Variants in ZNF32 observed in about 807,000 individuals in gnomAD.
ZNF32 encodes the protein C2H2-546.
A neutral mutation model predicts 24.4 loss-of-function variants in ZNF32; 13 were observed. That is an observed-to-expected ratio of 0.53 (90% confidence interval 0.35 to 0.85). ZNF32 has a LOEUF of 0.85. Among genes scored for constraint, ZNF32 ranks in the 40% least tolerant of loss-of-function variants. The pLI, the probability that ZNF32 is intolerant of heterozygous loss-of-function variation, is 0.01. For missense variants in ZNF32, 239 were observed against 325.3 expected (o/e 0.73, Z 2.04); for synonymous variants, 115 against 117.4 (o/e 0.98, Z 0.13).
In ZNF32 at chr10:43,646,173, A is replaced by G. The variant is rs771924654; in HGVS notation, c.-40T>C. The G allele has an allele frequency of 8.1e-6, 13 of 1,611,722 alleles. No homozygotes were observed. In the East Asian group the frequency reaches 2.2e-4, roughly 28 times the overall value. Reference sequence around the variant, plus strand: ...ACGACCTCAGTCACCACCTCTTCATATGATTCTTCCATGGGCTGTTCCTGA... The same window carrying G: ...ACGACCTCAGTCACCACCTCTTCATGTGATTCTTCCATGGGCTGTTCCTGA... On this transcript the variant is annotated 5_prime_UTR_variant, in exon 2 of 3. Coordinates refer to ENST00000374433, the MANE Select transcript of ZNF32 (RefSeq NM_006973.3).
Position 43,644,143 on chromosome 10 carries a change from T to C in ZNF32, c.729A>G (p.Thr243=). Residue 243 remains threonine (T), a synonymous_variant, in exon 3 of 3, where the codon ACA becomes ACG. Coordinates refer to ENST00000374433, the MANE Select transcript of ZNF32 (RefSeq NM_006973.3). This position sits in a 1 kb window ranked among gnomAD's most constrained non-coding sequence, Gnocchi z 5.3. ...ILHGKIHTGE[T]PYLCGQCGKS... The stretch of plus-strand genomic sequence containing the variant: ...TTCCACACTGGCCGCACAGATAGGG[T>C]GTCTCTCCTGTGTGGATTTTGCCAT... 1 of 1,614,092 alleles carries C rather than the reference T, an allele frequency of 6.2e-7. No individual in the cohort carries two copies. The highest frequency in any genetic ancestry group is 8.5e-7 in the Non-Finnish European group (1 of 1,180,006).
intron 1 of ZNF32, among the ~76,000 whole-genome samples, chr10:43,646,874 G>A (rs1040910414): frequency 9.2e-5 from 14 of 152,276 alleles, no homozygotes; most frequent in African/African-American, 2.9e-4. Context: ...AGTCAAAGTG[G>A]AGCAAAGGTT....
At position 43,644,485 on chromosome 10, in the gene ZNF32, T is replaced by A. The variant is rs1588852642; in HGVS notation, c.387A>T (p.Gly129=). 1.2e-6 allele frequency: 2 copies of A among 1,614,184 alleles called. No homozygotes were observed. The highest frequency in any genetic ancestry group is 4.5e-5 in the East Asian group (2 of 44,876). ...ACTCCTTGCACTGATAAGGCTTCTC[T>A]CCCGTGTGTATCCGTTGATGTGTAA... ...NLVTHQRIHT[G]EKPYQCKECG... is the part of the protein sequence containing the mutation. Residue 129 remains glycine, a synonymous_variant, in exon 3 of 3, where the codon GGA becomes GGT. Coordinates refer to ENST00000374433, the MANE Select transcript of ZNF32 (RefSeq NM_006973.3). This position sits in a 1 kb window ranked among gnomAD's most constrained non-coding sequence, Gnocchi z 5.3.
chr10:43,644,836 C>A lies in ZNF32; in HGVS notation c.71-35G>T, dbSNP rs1225658617. ...TGAGAGGGAAGTCATATAAGAAGCA[C>A]CAATAATGCTGAGTTAGAATAGGGA... On this transcript the variant is annotated intron_variant, in intron 2 of 2. Transcript: ENST00000374433. The surrounding 1 kb of genome is among the most constrained non-coding windows in gnomAD (Gnocchi z 5.3). 2 of 1,548,328 alleles carry A rather than the reference C, an allele frequency of 1.3e-6. No homozygotes were observed. Among genetic ancestry groups the A allele is most frequent in the Admixed American group, 2.1e-5 (1 of 48,410 alleles).
Position 43,648,783 on chromosome 10 carries a change from G to C in ZNF32, c.-70+19C>G, listed in dbSNP as rs1202677958. ...CCGCCTTGCCCCGGCGCTCTGACCC[G>C]GCCAGCGGCCTCACTCACCGCAGCG... On this transcript the variant is annotated intron_variant, in intron 1 of 2. Coordinates refer to ENST00000374433, the MANE Select transcript of ZNF32 (RefSeq NM_006973.3). The C allele has an allele frequency of 6.6e-6, 1 of 151,908 alleles. No homozygotes were observed. Among genetic ancestry groups the C allele is most frequent in the Non-Finnish European group, 1.5e-5 (1 of 67,902 alleles). The allele number at this position is 151,908 out of a possible 1,614,324, so 9.4% of individuals were successfully genotyped here.
intron 1 of ZNF32, among the ~76,000 whole-genome samples, chr10:43,646,881 G>A (rs116527370): frequency 0.01 from 1,576 of 152,276 alleles, 27 homozygotes; most frequent in African/African-American, 0.035. Flanking sequence ...GTGGAGCAAA[G>A]GTTCAAATCC....
chr10:43,646,934 T>C (rs75906834), intron 1 of ZNF32, among the ~76,000 whole-genome samples: 3,758 of 152,348 alleles, frequency 0.025, 122 homozygotes, highest in East Asian at 0.15. Flanking sequence ...CATTAGACAG[T>C]TGTCTAGTTC....
At chr10:43,645,841 C>T in intron 2 of ZNF32, 1 of 909,896 alleles carries the variant, frequency 1.1e-6, no homozygotes, top group Non-Finnish European at 1.5e-6. Context: ...CATTCATTCT[C>T]AGAGACTACT....
chr10:43,646,705 G>A (rs1213921842), intron 1 of ZNF32, among the ~76,000 whole-genome samples: 2 of 152,214 alleles, frequency 1.3e-5, no homozygotes, highest in Admixed American at 6.5e-5. Context: ...TCCAGACCCA[G>A]ACTCGCCTTT....
Position 43,644,079 on chromosome 10 carries a change from G to A in ZNF32, c.793C>T (p.Arg265Ter), listed in dbSNP as rs774428697. ...AGGGTGAGCCTCTGTGAGCAGCTTC[G>A]CTGGTGCACAGCCAGACTCCCTCTC... ...TQRGSLAVHQ[R>*]SCSQRLTL The change falls in exon 3 of 3, where the codon CGA becomes TGA. Residue 265 changes from arginine to a stop codon, truncating the protein, a stop_gained. Coordinates refer to ENST00000374433, the MANE Select transcript of ZNF32 (RefSeq NM_006973.3). LOFTEE classifies it high-confidence loss of function. This position sits in a 1 kb window ranked among gnomAD's most constrained non-coding sequence, Gnocchi z 5.3. The A allele has an allele frequency of 9.9e-6, 16 of 1,613,708 alleles. No homozygotes were observed. The highest frequency in any genetic ancestry group is 1.6e-4 in the Middle Eastern group (1 of 6,074).
At chr10:43,647,847 C>T (rs143872435) in intron 1 of ZNF32, 98 of 152,328 alleles carry the variant, frequency 6.4e-4, no homozygotes, top group African/African-American at 2.3e-3. Flanking sequence ...AGCTCTGCCT[C>T]TCCACCTGCT....
rs188760307 is a variant in ZNF32, at chr10:43,644,864, A to C, written c.71-63T>G. On this transcript the variant is annotated intron_variant, in intron 2 of 2. Coordinates refer to ENST00000374433, the MANE Select transcript of ZNF32 (RefSeq NM_006973.3). The surrounding 1 kb of genome is among the most constrained non-coding windows in gnomAD (Gnocchi z 5.3). ...ATAATGCTGAGTTAGAATAGGGAAAAAGAAACATAATACTTTGAGTGCTTA... is the reference window on the plus strand; with the variant it reads ...ATAATGCTGAGTTAGAATAGGGAAACAGAAACATAATACTTTGAGTGCTTA... 20 of 1,510,084 alleles carry C rather than the reference A, an allele frequency of 1.3e-5. No individual in the cohort carries two copies. The African/African-American group carries it at 2.5e-4, about 19-fold the overall frequency. The allele number at this position is 1,510,084 out of a possible 1,614,324, so 93.5% of individuals were successfully genotyped here. A position where few individuals can be genotyped will look rare whatever the true frequency, so the allele number is the denominator to read the frequency against.
In ZNF32 at chr10:43,644,745, T is replaced by C. The variant is rs1839224472; in HGVS notation, c.127A>G (p.Ser43Gly). The C allele has an allele frequency of 6.2e-7, 1 of 1,613,820 alleles. No homozygotes were observed. The highest frequency in any genetic ancestry group is 1.3e-5 in the African/African-American group (1 of 75,064). The change falls in exon 3 of 3, where the codon AGC (serine) becomes GGC (glycine). Residue 43 changes from serine to glycine, a missense_variant. Transcript: ENST00000374433. This position sits in a 1 kb window ranked among gnomAD's most constrained non-coding sequence, Gnocchi z 5.3. Reference sequence around the variant, plus strand: ...CTGAAAGAATTTTGGATATCCCAGCTTGAGGATCCTGTAGCCTCAGAGTGG... The same window carrying C: ...CTGAAAGAATTTTGGATATCCCAGCCTGAGGATCCTGTAGCCTCAGAGTGG... ...YDHSEATGSS[S>G]WDIQNSFRRE...
At chr10:43,645,933 T>C in intron 2 of ZNF32, 131 bp downstream of exon 2, 2 of 1,460,226 alleles carry the variant, frequency 1.4e-6, no homozygotes, top group East Asian at 2.4e-5. Context: ...GCTTTTCTTA[T>C]AACCCTAGGA....
intron 2 of ZNF32, among the ~76,000 whole-genome samples, chr10:43,645,724 G>A (rs1478540179): frequency 6.6e-6 from 1 of 151,858 alleles, no homozygotes; most frequent in African/African-American, 2.4e-5. Flanking sequence ...CTTTAAATAT[G>A]GGTCCATTCA....
intron 1 of ZNF32, chr10:43,647,435 C>G (rs1193136782): frequency 6.6e-6 from 1 of 152,128 alleles, no homozygotes; most frequent in Non-Finnish European, 1.5e-5. Flanking sequence ...TTACTGAATT[C>G]TTATACTTTT....
rs1588852872 is a variant in ZNF32 at position 43,644,644 on chromosome 10, G to A, written c.228C>T (p.Val76=). Reference sequence around the variant, plus strand: ...ATTTTCCACACTCCTGGCACTCATAGACCCTTTGTCTCACTCCAGGTGAAT... The same window carrying A: ...ATTTTCCACACTCCTGGCACTCATAAACCCTTTGTCTCACTCCAGGTGAAT... The part of the protein sequence containing the change: ...QEDSPGVRQR[V]YECQECGKSF... Residue 76 remains valine, a synonymous_variant, in exon 3 of 3, where the codon GTC becomes GTT. Transcript: ENST00000374433. The surrounding 1 kb of genome is among the most constrained non-coding windows in gnomAD (Gnocchi z 5.3). The A allele has an allele frequency of 6.2e-7, 1 of 1,614,170 alleles. No individual in the cohort carries two copies. The highest frequency in any genetic ancestry group is 1.1e-5 in the South Asian group (1 of 91,082).
Position 43,646,192 on chromosome 10 carries a change from T to C in ZNF32, c.-59A>G. The stretch of plus-strand genomic sequence containing the variant: ...CTTCATATGATTCTTCCATGGGCTG[T>C]TCCTGAGCACCTGAGGGAGAAAAAC... On this transcript the variant is annotated 5_prime_UTR_variant, in exon 2 of 3. Transcript: ENST00000374433. 6.3e-7 allele frequency: 1 copy of C among 1,592,648 alleles called. No individual in the cohort carries two copies. The highest frequency in any genetic ancestry group is 8.6e-7 in the Non-Finnish European group (1 of 1,164,388).
chr10:43,648,534 C>G (rs1351038773), intron 1 of ZNF32: 1 of 152,180 alleles, frequency 6.6e-6, no homozygotes, highest in Non-Finnish European at 1.5e-5. Flanking sequence ...ACGCTGCCCT[C>G]CCGCCTCAGG....
Sources: gnomAD v4.1 joint callset for allele counts (sites outside exome capture counted in the v4.1 genomes callset) on GRCh38, gnomAD v4.1.1 for gene constraint, Gnocchi (gnomAD v3.1) non-coding constraint, MANE v1.5 for transcripts, NCBI Gene and HGNC (gene_info 2026-07-23, HGNC 2026-07-21) for gene names.